The following CNTNAP2 variants were observed in gnomAD, a reference collection of about 807,000 sequenced individuals.
CNTNAP2 encodes the protein contactin associated protein 2.
Under a neutral mutation model 155.2 loss-of-function variants are expected in CNTNAP2, and 98 were observed. That is an observed-to-expected ratio of 0.63 (90% CI 0.54 to 0.75). The LOEUF is 0.75. CNTNAP2 is among the 30% of genes least tolerant of loss of function. The probability of loss-of-function intolerance (pLI) is 0.00; values close to 1 mark genes in which losing one functional copy is unlikely to be tolerated. For synonymous variants in CNTNAP2, 651 were observed against 631.2 expected (o/e 1.03, Z -0.47); for missense variants, 1,727 against 1,688.1 (o/e 1.02, Z -0.40).
chr7:147,050,370 C>T (rs1323411683), intron 4 of CNTNAP2, among the ~76,000 whole-genome samples: 1 of 152,146 alleles, frequency 6.6e-6, no homozygotes, highest in Non-Finnish European at 1.5e-5. Context: ...AGTTTTTAGT[C>T]AGAGTCCTCT....
chr7:147,525,099 A>G (rs1006031311), intron 11 of CNTNAP2, among the ~76,000 whole-genome samples: 5 of 152,242 alleles, frequency 3.3e-5, no homozygotes, highest in Non-Finnish European at 7.3e-5. Flanking sequence ...AACGGGTGAC[A>G]GAATATCTCA....
chr7:147,546,541 A>C (rs1799736968), intron 11 of CNTNAP2, among the ~76,000 whole-genome samples: 1 of 152,214 alleles, frequency 6.6e-6, no homozygotes, highest in South Asian at 2.1e-4. Flanking sequence ...TTGTAACACC[A>C]TCTTTTGAGG....
intron 1 of CNTNAP2, among the ~76,000 whole-genome samples, chr7:146,466,022 A>T (rs1216403647): frequency 1.3e-5 from 2 of 151,992 alleles, no homozygotes; most frequent in African/African-American, 4.8e-5. Context: ...CTTTGATTGG[A>T]CCTCTGGTCT....
intron 15 of CNTNAP2, among the ~76,000 whole-genome samples, chr7:148,116,306 G>C (rs1387159791): frequency 6.6e-6 from 1 of 152,122 alleles, no homozygotes; most frequent in Admixed American, 6.5e-5. Context: ...GACAGCTTCA[G>C]AGCCCTAGAT....
intron 21 of CNTNAP2, among the ~76,000 whole-genome samples, chr7:148,326,263 A>G (rs1366810469): frequency 6.6e-6 from 1 of 152,020 alleles, no homozygotes. Context: ...GCTCAGGACC[A>G]TCTTTGGGGA....
chr7:146,165,773 G>A (rs1444972519), intron 1 of CNTNAP2, among the ~76,000 whole-genome samples: 1 of 152,102 alleles, frequency 6.6e-6, no homozygotes, highest in Non-Finnish European at 1.5e-5. Context: ...AAGTTAGCAG[G>A]TTATAATATA....
chr7:148,120,613 T>C (rs68086914), intron 16 of CNTNAP2, among the ~76,000 whole-genome samples: 3,132 of 152,300 alleles, frequency 0.021, 42 homozygotes, highest in Non-Finnish European at 0.03. Context: ...TTCAGAGTTT[T>C]CCAGGTCTTT....
chr7:147,719,443 C>T (rs1796531186), intron 13 of CNTNAP2, among the ~76,000 whole-genome samples: 1 of 152,014 alleles, frequency 6.6e-6, no homozygotes, highest in South Asian at 2.1e-4. Context: ...TCTTACATAA[C>T]AATCTGGCAG....
chr7:147,774,233 G>A (rs777672671), intron 13 of CNTNAP2, among the ~76,000 whole-genome samples: 14 of 152,152 alleles, frequency 9.2e-5, no homozygotes, highest in Non-Finnish European at 2.1e-4. Flanking sequence ...ATGTGGAAAT[G>A]AATTTTTGTC....
At chr7:147,549,572 C>A (rs575665926) in intron 11 of CNTNAP2, among the ~76,000 whole-genome samples, 1 of 152,076 alleles carries the variant, frequency 6.6e-6, no homozygotes, top group Non-Finnish European at 1.5e-5. Flanking sequence ...TTCTAACCTG[C>A]GGAGCTTTAA....
At chr7:146,345,541 A>ACT (rs998915762) in intron 1 of CNTNAP2, among the ~76,000 whole-genome samples, 3 of 151,820 alleles carry the variant, frequency 2.0e-5, no homozygotes, top group African/African-American at 7.3e-5. Context: ...GAAAACACAC[A>ACT]CTCTCTCTCT....
At chr7:147,375,482 T>G (rs1360283484) in intron 9 of CNTNAP2, among the ~76,000 whole-genome samples, 1 of 152,042 alleles carries the variant, frequency 6.6e-6, no homozygotes, top group Non-Finnish European at 1.5e-5. Flanking sequence ...TTGCAGATTC[T>G]CTGATAATTA....
intron 1 of CNTNAP2, among the ~76,000 whole-genome samples, chr7:146,754,906 TTAA>T (rs1801968493): frequency 6.6e-6 from 1 of 151,968 alleles, no homozygotes; most frequent in South Asian, 2.1e-4. Flanking sequence ...AGGATTATTC[TTAA>T]TAAAAGAAAA....
intron 1 of CNTNAP2, among the ~76,000 whole-genome samples, chr7:146,145,866 C>A (rs912582006): frequency 1.3e-5 from 2 of 152,164 alleles, no homozygotes; most frequent in Non-Finnish European, 2.9e-5. Context: ...AGACTTTCAC[C>A]TTCAGAAGCA....
intron 17 of CNTNAP2, among the ~76,000 whole-genome samples, chr7:148,163,498 T>C (rs1362422671): frequency 6.6e-6 from 1 of 152,234 alleles, no homozygotes; most frequent in Non-Finnish European, 1.5e-5. Flanking sequence ...CTTTATACTA[T>C]GGAAACCCAG....
intron 21 of CNTNAP2, among the ~76,000 whole-genome samples, chr7:148,331,390 G>A (rs1265624700): frequency 2.0e-5 from 3 of 148,774 alleles, no homozygotes; most frequent in Non-Finnish European, 3.0e-5. Context: ...TGGAGTGGAC[G>A]GATGGAGTGG....
At chr7:148,280,318 A>G (rs969404504) in intron 21 of CNTNAP2, among the ~76,000 whole-genome samples, 1 of 152,178 alleles carries the variant, frequency 6.6e-6, no homozygotes, top group Non-Finnish European at 1.5e-5. Flanking sequence ...CAAAAATTTA[A>G]AAATAAAAAA....
chr7:147,701,867 T>C (rs1463967160), intron 13 of CNTNAP2, among the ~76,000 whole-genome samples: 1 of 152,148 alleles, frequency 6.6e-6, no homozygotes, highest in African/African-American at 2.4e-5. Context: ...CCAGCTATGC[T>C]ATGCTTTCAT....
intron 16 of CNTNAP2, among the ~76,000 whole-genome samples, chr7:148,123,633 C>CAGTA (rs1804646498): frequency 8.5e-6 from 1 of 118,314 alleles, no homozygotes; most frequent in East Asian, 2.4e-4. Flanking sequence ...GAAGGGAGAG[C>CAGTA]AGGAAGGAAG....
Sources: gnomAD v4.1 joint callset for allele counts (sites outside exome capture counted in the v4.1 genomes callset) on GRCh38, gnomAD v4.1.1 for gene constraint, MANE v1.5 for transcripts, NCBI Gene and HGNC (gene_info 2026-07-23, HGNC 2026-07-21) for gene names.